STON2: variants seen among roughly 807,000 people sequenced by gnomAD.
STON2 encodes the protein stonin 2.
Under a neutral mutation model 65.7 loss-of-function variants are expected in STON2, and 29 were observed. That is an observed-to-expected ratio of 0.44 (90% CI 0.33 to 0.60). The LOEUF is 0.60. Ranked by LOEUF, STON2 falls within the 20% of genes least tolerant of loss-of-function variation. The pLI, the probability that STON2 is intolerant of heterozygous loss-of-function variation, is 0.03. For missense variants in STON2, 1,054 were observed against 1,118.1 expected (o/e 0.94, Z 0.82); for synonymous variants, 404 against 414.2 (o/e 0.98, Z 0.30).
chr14:81,280,764 A>G (rs1415586580), intron 5 of STON2, among the ~76,000 whole-genome samples: 1 of 152,178 alleles, frequency 6.6e-6, no homozygotes, highest in African/African-American at 2.4e-5. Flanking sequence ...TAATCGCAGC[A>G]CTTTGGGAGG....
intron 5 of STON2, among the ~76,000 whole-genome samples, chr14:81,292,669 T>C (rs1479433662): frequency 6.6e-6 from 1 of 152,208 alleles, no homozygotes; most frequent in Non-Finnish European, 1.5e-5. Context: ...GAACTGTAAG[T>C]CAATTAAACC....
At chr14:81,363,547 C>A (rs543550166) in intron 4 of STON2, among the ~76,000 whole-genome samples, 1 of 151,064 alleles carries the variant, frequency 6.6e-6, no homozygotes, top group South Asian at 2.1e-4. Flanking sequence ...AAATGCACAA[C>A]AAATGAAGAC....
intron 5 of STON2, among the ~76,000 whole-genome samples, chr14:81,299,929 A>G (rs1895906412): frequency 6.6e-6 from 1 of 151,896 alleles, no homozygotes; most frequent in Admixed American, 6.6e-5. Flanking sequence ...TATGATTCCA[A>G]TAAAAACTCC....
intron 5 of STON2, among the ~76,000 whole-genome samples, chr14:81,280,997 C>T (rs572151503): frequency 1.4e-5 from 2 of 139,098 alleles, no homozygotes; most frequent in East Asian, 2.1e-4. Flanking sequence ...AGCGATAGAG[C>T]GAAACTCCGT....
At chr14:81,373,826 A>G (rs1001087484) in intron 3 of STON2, among the ~76,000 whole-genome samples, 2 of 151,776 alleles carry the variant, frequency 1.3e-5, no homozygotes, top group African/African-American at 4.9e-5. Context: ...GGATTGCATG[A>G]AGAGTAGAGG....
chr14:81,430,392 T>C lies in STON2; in HGVS notation c.-309-3180A>G, dbSNP rs1055439165. 2.0e-5 allele frequency among the ~76,000 whole-genome samples: 3 copies of C among 152,210 alleles called. No individual in the cohort carries two copies. In the East Asian group the frequency reaches 5.8e-4, roughly 29 times the overall value. On this transcript the variant is annotated intron_variant, in intron 1 of 8. Coordinates refer to the STON2 transcript ENST00000553821. The stretch of plus-strand genomic sequence containing the variant: ...AGCCTTGCACTCAGCAGATGGTCAA[T>C]ACCATTCAGATGAACATAACTCCCA...
Position 81,265,647 on chromosome 14 carries a change from G to GTAATAA in STON2, c.*2761_*2766dup, listed in dbSNP as rs56269329. Reference sequence around the variant, plus strand: ...GCGACAAGAGCGAAACTTTGTCTCAGTAATAATAATAATAATAATAATAAT... The same window carrying GTAATAA: ...GCGACAAGAGCGAAACTTTGTCTCAGTAATAATAATAATAATAATAATAATAATAAT... On this transcript the variant is annotated 3_prime_UTR_variant, in exon 8 of 8. Coordinates refer to ENST00000614646, the MANE Select transcript of STON2 (RefSeq NM_001394390.1). 6.8e-3 allele frequency: 2,469 copies of GTAATAA among 364,338 alleles called. 44 individuals carry two copies. The highest frequency in any genetic ancestry group is 0.034 in the African/African-American group (1,544 of 45,640). 22.6% of individuals were successfully genotyped at this position (364,338 alleles called of 1,614,324 possible). A position where few individuals can be genotyped will look rare whatever the true frequency, so the allele number is the denominator to read the frequency against.
At chr14:81,339,260 C>T (rs1273868461) in intron 4 of STON2, among the ~76,000 whole-genome samples, 1 of 152,150 alleles carries the variant, frequency 6.6e-6, no homozygotes, top group African/African-American at 2.4e-5. Context: ...TAATAGACGG[C>T]AAACTGAGGC....
At position 81,265,818 on chromosome 14, in the gene STON2, G is replaced by T; in HGVS notation, c.*2596C>A. 1.0e-6 allele frequency: 1 copy of T among 985,228 alleles called. No individual in the cohort carries two copies. The highest frequency in any genetic ancestry group is 1.7e-5 in the African/African-American group (1 of 57,250). 61.0% of individuals were successfully genotyped at this position (985,228 alleles called of 1,614,324 possible). On this transcript the variant is annotated 3_prime_UTR_variant, in exon 8 of 8. Coordinates refer to ENST00000614646, the MANE Select transcript of STON2 (RefSeq NM_001394390.1). ...AAATGAGAATTTACCATGGGGGGCGGGGAAATAAGCTCCAACAAGCAATCC... is the reference window on the plus strand; with the variant it reads ...AAATGAGAATTTACCATGGGGGGCGTGGAAATAAGCTCCAACAAGCAATCC...
intron 5 of STON2, among the ~76,000 whole-genome samples, chr14:81,317,126 T>C (rs1268842000): frequency 6.6e-6 from 1 of 152,170 alleles, no homozygotes; most frequent in South Asian, 2.1e-4. Context: ...AGGAGGCTTT[T>C]ACTCAGGGTG....
At chr14:81,389,399 T>C (rs1899971704) in intron 3 of STON2, among the ~76,000 whole-genome samples, 1 of 152,208 alleles carries the variant, frequency 6.6e-6, no homozygotes, top group Non-Finnish European at 1.5e-5. Flanking sequence ...ATTTCATTCT[T>C]GCGTTATCCA....
At chr14:81,381,941 C>T (rs1056457848) in intron 3 of STON2, among the ~76,000 whole-genome samples, 1 of 152,048 alleles carries the variant, frequency 6.6e-6, no homozygotes, top group Admixed American at 6.6e-5. Context: ...CCAAATGGGC[C>T]GGGCACGGTG....
chr14:81,298,132 GA>G (rs1489460363), intron 5 of STON2, among the ~76,000 whole-genome samples: 2 of 152,184 alleles, frequency 1.3e-5, no homozygotes, highest in African/African-American at 4.8e-5. Context: ...TCTGTAATTA[GA>G]AAGAAAAAAA....
intron 4 of STON2, among the ~76,000 whole-genome samples, chr14:81,353,244 T>C (rs950423263): frequency 6.6e-6 from 1 of 152,346 alleles, no homozygotes; most frequent in East Asian, 1.9e-4. Context: ...GTCACATCCA[T>C]GTGTTCTCTT....
chr14:81,270,869 G>T lies in STON2; in HGVS notation c.2585C>A (p.Ser862Tyr), dbSNP rs1164037419. The change falls in exon 7 of 8, where the codon TCC becomes TAC. Residue 862 changes from serine (S) to tyrosine (Y), a missense_variant. By Grantham distance (144) the Ser-to-Tyr change is moderately radical. Coordinates refer to ENST00000614646, the MANE Select transcript of STON2 (RefSeq NM_001394390.1). The part of the protein sequence containing the change: ...INRLPDKNSA[S>Y]GHPHCFFCHL... ...GCAAAAGAAACAGTGTGGGTGACCGGAAGCTATGAAAGAAAGACAATCGAG... is the reference window on the plus strand; with the variant it reads ...GCAAAAGAAACAGTGTGGGTGACCGTAAGCTATGAAAGAAAGACAATCGAG... 1.2e-6 allele frequency: 2 copies of T among 1,612,338 alleles called. No individual in the cohort carries two copies. The highest frequency in any genetic ancestry group is 2.7e-5 in the African/African-American group (2 of 74,880).
chr14:81,371,782 TCTTAA>T (rs1899012294), intron 3 of STON2, among the ~76,000 whole-genome samples: 1 of 152,090 alleles, frequency 6.6e-6, no homozygotes, highest in African/African-American at 2.4e-5. Context: ...TAATTTCACT[TCTTAA>T]CTTAGATTTC....
At chr14:81,293,381 C>T (rs1282103308) in intron 5 of STON2, among the ~76,000 whole-genome samples, 1 of 151,994 alleles carries the variant, frequency 6.6e-6, no homozygotes, top group Non-Finnish European at 1.5e-5. Context: ...ACTATGTTGG[C>T]CAGGATGGTC....
chr14:81,360,654 A>G, intron 4 of STON2, among the ~76,000 whole-genome samples: 1 of 152,174 alleles, frequency 6.6e-6, no homozygotes, highest in East Asian at 1.9e-4. Context: ...TATTCAACAT[A>G]GTATTGAAAA....
intron 5 of STON2, among the ~76,000 whole-genome samples, chr14:81,291,858 TACAC>T (rs59366676): frequency 0.13 from 17,922 of 137,596 alleles, 1,189 homozygotes; most frequent in African/African-American, 0.18. Context: ...TTAGCATGGG[TACAC>T]ACACACACAC....
Sources: gnomAD v4.1 joint callset for allele counts (sites outside exome capture counted in the v4.1 genomes callset) on GRCh38, gnomAD v4.1.1 for gene constraint, MANE v1.5 for transcripts, NCBI Gene and HGNC (gene_info 2026-07-23, HGNC 2026-07-21) for gene names.